The following RBFOX2 variants were observed in gnomAD, a reference collection of about 807,000 sequenced individuals.
RBFOX2 encodes the protein RNA binding protein fox-1 homolog 2.
RBFOX2 carries 10 observed loss-of-function variants against 49.1 expected under a neutral mutation model. That is an observed-to-expected ratio of 0.20 (90% CI 0.13 to 0.35). The LOEUF is 0.35. Among genes scored for constraint, RBFOX2 ranks in the 10% least tolerant of loss-of-function variants. RBFOX2 has a pLI of 1.00. For synonymous variants in RBFOX2, 183 were observed against 187.4 expected (o/e 0.98, Z 0.19); for missense variants, 323 against 486.9 (o/e 0.66, Z 3.17).
chr22:35,744,157 GCC>G, exon 12 of RBFOX2: 1 of 1,565,276 alleles, frequency 6.4e-7, no homozygotes, highest in Non-Finnish European at 8.7e-7. Flanking sequence ...CAATAGCCAG[GCC>G]TCATGAACTG....
chr22:36,028,267 C>A (rs1355410593), exon 1 of RBFOX2: 2 of 1,532,670 alleles, frequency 1.3e-6, no homozygotes, highest in East Asian at 2.7e-5. Context: ...CGTCGGCCGC[C>A]GCCTCCTCAG....
intron 1 of RBFOX2, among the ~76,000 whole-genome samples, chr22:35,968,662 T>A (rs2056702545): frequency 6.6e-6 from 1 of 152,194 alleles, no homozygotes; most frequent in Non-Finnish European, 1.5e-5. Context: ...GGAACCATAA[T>A]TTCCCATGGC....
At chr22:35,940,891 G>A (rs2053623621), upstream of RBFOX2, among the ~76,000 whole-genome samples, 1 of 152,170 alleles carries the variant, frequency 6.6e-6, no homozygotes, top group Admixed American at 6.5e-5. Flanking sequence ...CATAGAGGCA[G>A]AATATAAATT....
intron 9 of RBFOX2, among the ~76,000 whole-genome samples, chr22:35,757,425 A>C (rs945754155): frequency 6.6e-6 from 1 of 152,156 alleles, no homozygotes. Flanking sequence ...AGATTGTTTT[A>C]ATTTAGATGA....
At chr22:35,909,671 G>A (rs1253556998) in intron 1 of RBFOX2, among the ~76,000 whole-genome samples, 1 of 152,208 alleles carries the variant, frequency 6.6e-6, no homozygotes, top group African/African-American at 2.4e-5. Flanking sequence ...GAGCGAAGTG[G>A]CACAATCTCG....
intron 2 of RBFOX2, among the ~76,000 whole-genome samples, chr22:35,784,093 C>T (rs1007731922): frequency 2.0e-5 from 3 of 152,200 alleles, no homozygotes; most frequent in African/African-American, 7.2e-5. Flanking sequence ...AGAAAAAGTC[C>T]TCCCAGGAAG....
In RBFOX2 at chr22:35,913,477, TTGTG is replaced by T. The variant is rs61402464; in HGVS notation, c.-34+25366_-34+25369del. On this transcript the variant is annotated intron_variant, in intron 1 of 13. Coordinates refer to the RBFOX2 transcript ENST00000359369. Reference sequence around the variant, plus strand: ...GGATATATATATCCTGTTATTTCTATTGTGTGTGTGTGTGTGTGTGTGTGTGTGT... The same window carrying T: ...GGATATATATATCCTGTTATTTCTATTGTGTGTGTGTGTGTGTGTGTGTGT... Among the ~76,000 whole-genome samples, 1,309 of 143,470 alleles carry T rather than the reference TTGTG, an allele frequency of 9.1e-3. 15 individuals carry two copies. The highest frequency in any genetic ancestry group is 0.027 in the African/African-American group (1,068 of 39,102). 94.1% of individuals were successfully genotyped at this position (143,470 alleles called of 152,430 possible). A position where few individuals can be genotyped will look rare whatever the true frequency, so the allele number is the denominator to read the frequency against.
At chr22:35,845,169 G>A (rs1045457349), upstream of RBFOX2, among the ~76,000 whole-genome samples, 10 of 151,932 alleles carry the variant, frequency 6.6e-5, no homozygotes, top group Admixed American at 3.3e-4. Context: ...GGCTCTTCAC[G>A]GCACGCCCCC....
intron 2 of RBFOX2, among the ~76,000 whole-genome samples, chr22:35,797,162 G>A: frequency 6.6e-6 from 1 of 151,984 alleles, no homozygotes; most frequent in Non-Finnish European, 1.5e-5. Flanking sequence ...ATAATTTAGA[G>A]CTACCTTCTT....
chr22:35,787,903 A>G (rs1946756704), intron 2 of RBFOX2, among the ~76,000 whole-genome samples: 1 of 152,228 alleles, frequency 6.6e-6, no homozygotes, highest in African/African-American at 2.4e-5. Flanking sequence ...GTTTAGAGTG[A>G]GGACTAGCGG....
chr22:35,914,863 C>G (rs2050231677), intron 1 of RBFOX2, among the ~76,000 whole-genome samples: 1 of 152,222 alleles, frequency 6.6e-6, no homozygotes, highest in South Asian at 2.1e-4. Flanking sequence ...ACTTGAAAAA[C>G]TGTTAACTTC....
chr22:35,867,077 T>G (rs1603426444), intron 1 of RBFOX2, among the ~76,000 whole-genome samples: 1 of 148,442 alleles, frequency 6.7e-6, no homozygotes, highest in South Asian at 2.1e-4. Context: ...TGCACACACA[T>G]GCACACACAC....
chr22:35,833,495 T>C (rs1957148558), intron 1 of RBFOX2, among the ~76,000 whole-genome samples: 1 of 152,188 alleles, frequency 6.6e-6, no homozygotes, highest in Non-Finnish European at 1.5e-5. Flanking sequence ...TAAATAGATC[T>C]CCAGTTTGAA....
chr22:35,853,114 C>T (rs1035293971), intron 1 of RBFOX2, among the ~76,000 whole-genome samples: 3 of 151,020 alleles, frequency 2.0e-5, no homozygotes, highest in Non-Finnish European at 4.4e-5. Context: ...GCCAACATGA[C>T]GAAACTCCAT....
At chr22:35,812,381 T>TACTA (rs1023020609) in intron 1 of RBFOX2, among the ~76,000 whole-genome samples, 4 of 152,206 alleles carry the variant, frequency 2.6e-5, no homozygotes, top group African/African-American at 9.7e-5. Flanking sequence ...ATAACTTCTT[T>TACTA]ACGTTATTTC....
At position 35,873,401 on chromosome 22, in the gene RBFOX2, C is replaced by T. The variant is rs531878527; in HGVS notation, c.-33-63397G>A. Among the ~76,000 whole-genome samples, 15 of 152,262 alleles carry T rather than the reference C, an allele frequency of 9.9e-5. No homozygotes were observed. The South Asian group carries it at 3.1e-3, about 32-fold the overall frequency. The stretch of plus-strand genomic sequence containing the variant: ...CCCACCTCCCAAAGTGCTGAGATTA[C>T]AGGCCACCACACCCGACCCTGAATG... On this transcript the variant is annotated intron_variant, in intron 1 of 13. Coordinates refer to the RBFOX2 transcript ENST00000359369.
intron 1 of RBFOX2, among the ~76,000 whole-genome samples, chr22:35,923,991 A>G (rs2051327668): frequency 6.6e-6 from 1 of 152,228 alleles, no homozygotes; most frequent in African/African-American, 2.4e-5. Context: ...CCCAGTGCAA[A>G]TATCAACCCT....
At position 36,021,253 on chromosome 22, in the gene RBFOX2, G is replaced by C. The variant is rs548386534; in HGVS notation, c.186+6987C>G. ...ACACAATGGGGCCTGTCCTGGGGTG[G>C]GGGGAGGGGGGAGGGATAACATTAG... On this transcript the variant is annotated intron_variant, in intron 1 of 13. Transcript: ENST00000438146. Among the ~76,000 whole-genome samples, 16 of 105,614 alleles carry C rather than the reference G, an allele frequency of 1.5e-4. No homozygotes were observed. In the South Asian group the frequency reaches 4.9e-3, roughly 32 times the overall value. The allele number at this position is 105,614 out of a possible 152,430, so 69.3% of individuals were successfully genotyped here.
chr22:35,889,738 C>T (rs1301432700), intron 1 of RBFOX2, among the ~76,000 whole-genome samples: 2 of 152,122 alleles, frequency 1.3e-5, no homozygotes, highest in East Asian at 3.8e-4. Flanking sequence ...CTGAACTGAG[C>T]CATTGTCTAC....
Sources: gnomAD v4.1 joint callset for allele counts (sites outside exome capture counted in the v4.1 genomes callset) on GRCh38, gnomAD v4.1.1 for gene constraint, MANE v1.5 for transcripts, NCBI Gene and HGNC (gene_info 2026-07-23, HGNC 2026-07-21) for gene names.